Variants in LANCL2 observed in about 807,000 individuals in gnomAD.
LANCL2 encodes the protein LanC like glutathione S-transferase 2.
Under a neutral mutation model 56.9 loss-of-function variants are expected in LANCL2, and 33 were observed. The ratio of observed to expected loss-of-function variants is 0.58; its 90% CI spans 0.44 to 0.78. The LOEUF (loss-of-function observed/expected upper bound fraction) is 0.78, where lower values mean the gene tolerates loss of function less well. Ranked by LOEUF, LANCL2 falls within the 30% of genes least tolerant of loss-of-function variation. LANCL2 has a pLI of 0.00. For missense variants in LANCL2, 562 were observed against 580.2 expected (o/e 0.97, Z 0.32); for synonymous variants, 233 against 228.2 (o/e 1.02, Z -0.19).
chr7:55,388,430 C>A (rs1205107506), intron 1 of LANCL2, among the ~76,000 whole-genome samples: 1 of 152,166 alleles, frequency 6.6e-6, no homozygotes, highest in East Asian at 1.9e-4. Context: ...CCTGTAATCC[C>A]AGCTACTTGG....
At chr7:55,413,191 CAT>C (rs1308303147) in intron 6 of LANCL2, among the ~76,000 whole-genome samples, 1 of 152,122 alleles carries the variant, frequency 6.6e-6, no homozygotes, top group Non-Finnish European at 1.5e-5. Context: ...TACATTAAAA[CAT>C]AATTCTGTTC....
At chr7:55,397,124 G>A (rs1048857664) in intron 2 of LANCL2, 1 of 152,154 alleles carries the variant, frequency 6.6e-6, no homozygotes, top group African/African-American at 2.4e-5. Context: ...ACCCTGAATA[G>A]AAAAATTGAA....
chr7:55,430,989 G>A (rs1790721208), intron 8 of LANCL2, among the ~76,000 whole-genome samples: 1 of 152,186 alleles, frequency 6.6e-6, no homozygotes, highest in Non-Finnish European at 1.5e-5. Flanking sequence ...CAAGATATAA[G>A]ATTAAAGCCC....
intron 2 of LANCL2, among the ~76,000 whole-genome samples, chr7:55,393,902 T>C (rs1164776943): frequency 6.6e-6 from 1 of 152,172 alleles, no homozygotes; most frequent in African/African-American, 2.4e-5. Flanking sequence ...AATAAGGATA[T>C]TTTGGAAGGA....
Position 55,425,424 on chromosome 7 carries a change from T to G in LANCL2, c.1179T>G (p.Ala393=). The change falls in exon 7 of 9, where the codon GCT becomes GCG. Residue 393 remains alanine (A), a synonymous_variant. Transcript: ENST00000254770. ...AGGATAAGAAGTACCTCTACCGAGC[T>G]TGCAAGGTGAGGGTGGCTCTGTTGG... ...LTQDKKYLYR[A]CKFAEWCLDY... is the part of the protein sequence containing the mutation. 6.2e-7 allele frequency: 1 copy of G among 1,613,938 alleles called. No homozygotes were observed.
At chr7:55,378,470 GA>G (rs1408361348) in intron 1 of LANCL2, among the ~76,000 whole-genome samples, 1 of 151,860 alleles carries the variant, frequency 6.6e-6, no homozygotes, top group East Asian at 1.9e-4. Context: ...CAAAAAAAAG[GA>G]AAAAGTGTGT....
chr7:55,410,228 G>A (rs547479115), intron 5 of LANCL2, among the ~76,000 whole-genome samples: 2 of 152,320 alleles, frequency 1.3e-5, no homozygotes, highest in South Asian at 4.1e-4. Flanking sequence ...ACATTTTAAA[G>A]TGGTTCTGTA....
intron 6 of LANCL2, among the ~76,000 whole-genome samples, chr7:55,413,889 A>C (rs1265665256): frequency 1.3e-5 from 2 of 152,254 alleles, no homozygotes; most frequent in Admixed American, 6.5e-5. Flanking sequence ...GGAAGGCATC[A>C]GTGGTAATTT....
intron 1 of LANCL2, among the ~76,000 whole-genome samples, chr7:55,385,459 G>C (rs1424903899): frequency 1.3e-5 from 2 of 152,170 alleles, no homozygotes; most frequent in Non-Finnish European, 2.9e-5. Flanking sequence ...AAAGGACAGA[G>C]TACAAAAGAA....
At chr7:55,397,974 A>C (rs144328720) in intron 2 of LANCL2, among the ~76,000 whole-genome samples, 2 of 152,234 alleles carry the variant, frequency 1.3e-5, no homozygotes, top group African/African-American at 4.8e-5. Flanking sequence ...AAAAATAGGA[A>C]GAAGGGAGTA....
chr7:55,419,685 AG>A (rs1233566087), intron 6 of LANCL2, among the ~76,000 whole-genome samples: 4 of 152,124 alleles, frequency 2.6e-5, no homozygotes, highest in Non-Finnish European at 4.4e-5. Flanking sequence ...TACAGGTGTG[AG>A]CCACCACTCT....
At chr7:55,375,270 C>A (rs548429374) in intron 1 of LANCL2, among the ~76,000 whole-genome samples, 26 of 152,256 alleles carry the variant, frequency 1.7e-4, no homozygotes, top group African/African-American at 6.3e-4. Context: ...CTCAAACTAG[C>A]ACTAAATTTA....
intron 4 of LANCL2, among the ~76,000 whole-genome samples, chr7:55,400,963 C>T (rs896719865): frequency 8.5e-5 from 13 of 152,174 alleles, no homozygotes; most frequent in African/African-American, 2.9e-4. Context: ...TCTTTTCCTA[C>T]TCTGACATTG....
chr7:55,425,590 G>A (rs550153348), intron 7 of LANCL2, among the ~76,000 whole-genome samples, 160 bp downstream of exon 7: 1 of 152,102 alleles, frequency 6.6e-6, no homozygotes, highest in Non-Finnish European at 1.5e-5. Flanking sequence ...GTTTCTCTGG[G>A]CCACAGTGTC....
chr7:55,419,191 T>C (rs1447517764), intron 6 of LANCL2, among the ~76,000 whole-genome samples: 1 of 152,118 alleles, frequency 6.6e-6, no homozygotes, highest in Admixed American at 6.5e-5. Flanking sequence ...ATTGGTGTTA[T>C]TACTTGCTTA....
chr7:55,392,330 T>C (rs1401330143), intron 2 of LANCL2, among the ~76,000 whole-genome samples: 1 of 130,704 alleles, frequency 7.7e-6, no homozygotes, highest in African/African-American at 3.1e-5. Flanking sequence ...ATCTTTTTTT[T>C]TTCTTTTTTT....
chr7:55,398,498 T>TA lies in LANCL2; in HGVS notation c.403dup (p.Arg135LysfsTer34), dbSNP rs1790282188. On this transcript the variant is annotated frameshift_variant, in exon 3 of 9. Coordinates refer to ENST00000254770, the MANE Select transcript of LANCL2 (RefSeq NM_018697.4). LOFTEE classifies it high-confidence loss of function. ...TACCTGCTCCGATCCCTGGATTACG[T>TA]AAAAAGAACACTTCGGAATCTGAAT... is the stretch of plus-strand genomic sequence containing the variant. 3.1e-6 allele frequency: 5 copies of TA among 1,614,052 alleles called. No homozygotes were observed. The highest frequency in any genetic ancestry group is 4.2e-6 in the Non-Finnish European group (5 of 1,180,024).
rs202234106 is a variant in LANCL2, at chr7:55,398,676, G to A, written c.530+46G>A. 283 of 1,413,446 alleles carry A rather than the reference G, an allele frequency of 2.0e-4. No individual in the cohort carries two copies. In the East Asian group the frequency reaches 5.8e-3, roughly 29 times the overall value. 87.6% of individuals were successfully genotyped at this position (1,413,446 alleles called of 1,614,324 possible). A position where few individuals can be genotyped will look rare whatever the true frequency, so the allele number is the denominator to read the frequency against. On this transcript the variant is annotated intron_variant, in intron 3 of 8. Coordinates refer to ENST00000254770, the MANE Select transcript of LANCL2 (RefSeq NM_018697.4). ...CATTTTCTCCCAATTCCCAGTGGAA[G>A]CTCTTGCTGTAGAAAGATATTCAGA...
At chr7:55,431,167 C>A in intron 8 of LANCL2, 59 bp from the exon 9 acceptor site, 1 of 1,221,876 alleles carries the variant, frequency 8.2e-7, no homozygotes, top group Non-Finnish European at 1.1e-6. Flanking sequence ...GATTAAAAGT[C>A]ACTGTTATAG....
Sources: gnomAD v4.1 joint callset for allele counts (sites outside exome capture counted in the v4.1 genomes callset) on GRCh38, gnomAD v4.1.1 for gene constraint, MANE v1.5 for transcripts, NCBI Gene and HGNC (gene_info 2026-07-23, HGNC 2026-07-21) for gene names.